CDKN2C: variants seen among roughly 807,000 people sequenced by gnomAD.
CDKN2C encodes cyclin-dependent kinase 4 inhibitor C.
Under a neutral mutation model 11.0 loss-of-function variants are expected in CDKN2C, and 5 were observed. The observed-to-expected ratio is 0.45, with a 90% confidence interval of 0.24 to 0.95. The LOEUF is 0.95. Among genes scored for constraint, CDKN2C ranks in the 40% least tolerant of loss-of-function variants. The pLI is 0.21. For missense variants in CDKN2C, 161 were observed against 211.9 expected (o/e 0.76, Z 1.49); for synonymous variants, 79 against 88.3 (o/e 0.89, Z 0.59).
At chr1:50,971,325 C>A (rs1557609158) in intron 1 of CDKN2C, among the ~76,000 whole-genome samples, 1 of 152,174 alleles carries the variant, frequency 6.6e-6, no homozygotes, top group East Asian at 1.9e-4. Flanking sequence ...TGATGATATT[C>A]TTATGAGCTA....
intron 1 of CDKN2C, among the ~76,000 whole-genome samples, chr1:50,972,028 AT>A (rs1645383613): frequency 6.6e-6 from 1 of 152,064 alleles, no homozygotes; most frequent in Non-Finnish European, 1.5e-5. Context: ...TATTGCTATT[AT>A]TTTCTGTGAA....
At chr1:50,973,661 T>C (rs1237967486) in intron 1 of CDKN2C, among the ~76,000 whole-genome samples, 1 of 152,224 alleles carries the variant, frequency 6.6e-6, no homozygotes, top group African/African-American at 2.4e-5. Context: ...ATCCTACTTT[T>C]GGGCCCATTT....
chr1:50,974,171 G>A lies in CDKN2C; in HGVS notation c.408G>A (p.Lys136=). 6.2e-7 allele frequency: 1 copy of A among 1,613,898 alleles called. No individual in the cohort carries two copies. Among genetic ancestry groups the A allele is most frequent in the South Asian group, 1.1e-5 (1 of 91,082 alleles). The change falls in exon 2 of 2, where the codon AAG becomes AAA. Residue 136 remains lysine, a synonymous_variant. Coordinates refer to ENST00000371761, the MANE Select transcript of CDKN2C (RefSeq NM_078626.3). Reference sequence around the variant, plus strand: ...GCAATGTGGGGCATCGGAACCATAAGGGGGACACCGCCTGTGATTTGGCCA... The same window carrying A: ...GCAATGTGGGGCATCGGAACCATAAAGGGGACACCGCCTGTGATTTGGCCA... The part of the protein sequence containing the change: ...TASNVGHRNH[K]GDTACDLARL...
rs1458397242 is a variant in CDKN2C at position 50,974,359 on chromosome 1, TTC to T, written c.*91_*92del. 13 of 1,342,534 alleles carry T rather than the reference TTC, an allele frequency of 9.7e-6. No individual in the cohort carries two copies. The highest frequency in any genetic ancestry group is 1.3e-5 in the Non-Finnish European group (13 of 996,252). 83.2% of individuals were successfully genotyped at this position (1,342,534 alleles called of 1,614,324 possible). A position where few individuals can be genotyped will look rare whatever the true frequency, so the allele number is the denominator to read the frequency against. On this transcript the variant is annotated 3_prime_UTR_variant, in exon 2 of 2. Transcript: ENST00000371761. ...TTTAATGTCATTTGTTAAAATACAG[TTC>T]TGTCATATGTTAAGCAGCTAAATTT...
chr1:50,973,066 A>C, intron 1 of CDKN2C, among the ~76,000 whole-genome samples: 1 of 152,192 alleles, frequency 6.6e-6, no homozygotes. Context: ...GTTGTCCTAC[A>C]ATAATTTCCT....
At chr1:50,962,068 C>G (rs1318187584) in intron 1 of CDKN2C, among the ~76,000 whole-genome samples, 2 of 152,212 alleles carry the variant, frequency 1.3e-5, no homozygotes, top group African/African-American at 4.8e-5. Context: ...AAATGTCTTG[C>G]TTAATTTTCA....
intron 1 of CDKN2C, among the ~76,000 whole-genome samples, chr1:50,970,993 A>C (rs1645376578): frequency 6.6e-6 from 1 of 152,298 alleles, no homozygotes. Flanking sequence ...CCTCGTTTGG[A>C]ATGGGTGGCC....
intron 1 of CDKN2C, among the ~76,000 whole-genome samples, chr1:50,964,112 A>G (rs1393196057): frequency 1.3e-5 from 2 of 152,106 alleles, no homozygotes; most frequent in Non-Finnish European, 2.9e-5. Flanking sequence ...CTTATTTAAC[A>G]TGGTACATCT....
upstream of CDKN2C, chr1:50,968,937 G>A (rs1324770180): frequency 6.5e-6 from 1 of 152,776 alleles, no homozygotes; most frequent in African/African-American, 2.4e-5. Flanking sequence ...GGGGTGAAAG[G>A]AGCAGGGACC....
chr1:50,970,110 A>C (rs988727932), upstream of CDKN2C: 11 of 536,198 alleles, frequency 2.1e-5, no homozygotes, highest in South Asian at 1.6e-4. Flanking sequence ...AGAATTCTTC[A>C]TAGGGGTTAA....
At chr1:50,972,001 T>C (rs942546746) in intron 1 of CDKN2C, among the ~76,000 whole-genome samples, 1 of 152,180 alleles carries the variant, frequency 6.6e-6, no homozygotes, top group Non-Finnish European at 1.5e-5. Context: ...AATAACTTTC[T>C]TCAAAACCGT....
chr1:50,963,960 A>G (rs927560460), intron 1 of CDKN2C, among the ~76,000 whole-genome samples: 68 of 151,994 alleles, frequency 4.5e-4, no homozygotes, highest in Non-Finnish European at 8.2e-4. Flanking sequence ...AGAAACTTTT[A>G]TATCATCTTT....
upstream of CDKN2C, among the ~76,000 whole-genome samples, chr1:50,965,746 T>A (rs112434456): frequency 5.3e-5 from 8 of 151,848 alleles, no homozygotes; most frequent in Non-Finnish European, 1.0e-4. Flanking sequence ...TAATAAAAAA[T>A]TTTCATAAAT....
upstream of CDKN2C, among the ~76,000 whole-genome samples, chr1:50,967,623 G>A (rs568149236): frequency 6.6e-6 from 1 of 152,296 alleles, no homozygotes; most frequent in South Asian, 2.1e-4. Context: ...TTTGACCACT[G>A]GGTGCATCAT....
rs1645373757 is a variant in CDKN2C at position 50,970,443 on chromosome 1, G to C, written c.75G>C (p.Leu25Phe). The part of the protein sequence containing the change: ...RGDLEQLTSL[L>F]QNNVNVNAQN... ...ACCTAGAGCAACTTACTAGTTTGTT[G>C]CAAAATAATGTAAACGTCAATGCAC... The change falls in exon 1 of 2, where the codon TTG becomes TTC. Residue 25 changes from leucine (L) to phenylalanine (F), a missense_variant. By Grantham distance (22) the Leu-to-Phe change is conservative (BLOSUM62 0). Transcript: ENST00000371761. 3.1e-6 allele frequency: 5 copies of C among 1,614,044 alleles called. No individual in the cohort carries two copies. The highest frequency in any genetic ancestry group is 1.3e-5 in the African/African-American group (1 of 74,928).
upstream of CDKN2C, among the ~76,000 whole-genome samples, chr1:50,966,898 G>A (rs1645349393): frequency 6.6e-6 from 1 of 152,136 alleles, no homozygotes; most frequent in Admixed American, 6.5e-5. Flanking sequence ...AGAGGTGGTA[G>A]AACATCAAAA....
chr1:50,960,840 T>C (rs1367901909), intron 1 of CDKN2C: 1 of 152,158 alleles, frequency 6.6e-6, no homozygotes, highest in African/African-American at 2.4e-5. Flanking sequence ...AGGAGCATTT[T>C]TTTTAATTGA....
At chr1:50,968,429 G>A (rs1030687614), upstream of CDKN2C, 1 of 152,520 alleles carries the variant, frequency 6.6e-6, no homozygotes, top group African/African-American at 2.4e-5. Context: ...GGCAGCTGGG[G>A]GTTCGCGTCA....
At chr1:50,970,893 C>A (rs1645375942) in intron 1 of CDKN2C, among the ~76,000 whole-genome samples, 1 of 152,080 alleles carries the variant, frequency 6.6e-6, no homozygotes, top group South Asian at 2.1e-4. Flanking sequence ...ACGTACTTTG[C>A]CCCCAATAAT....
Sources: allele counts gnomAD v4.1 joint callset (sites outside exome capture counted in the v4.1 genomes callset), GRCh38; gene constraint gnomAD v4.1.1; transcripts MANE v1.5; gene names NCBI Gene and HGNC (gene_info 2026-07-23, HGNC 2026-07-21).